The following SPIRE1 variants were observed in gnomAD, a reference collection of about 807,000 sequenced individuals.
SPIRE1 encodes the protein protein spire homolog 1.
SPIRE1 carries 40 observed loss-of-function variants against 94.1 expected under a neutral mutation model. The ratio of observed to expected loss-of-function variants is 0.43; its 90% CI spans 0.33 to 0.55. The LOEUF (loss-of-function observed/expected upper bound fraction) is 0.55, where lower values mean the gene tolerates loss of function less well. SPIRE1 is among the 20% of genes least tolerant of loss of function. SPIRE1 has a pLI of 0.06. For missense variants in SPIRE1, 838 were observed against 975.2 expected (o/e 0.86, Z 1.87); for synonymous variants, 376 against 371.7 (o/e 1.01, Z -0.13).
In SPIRE1 at chr18:12,559,862, A is replaced by G. The variant is rs2035633516; in HGVS notation, c.373-12958T>C. Among the ~76,000 whole-genome samples the G allele has an allele frequency of 6.6e-6, 1 of 152,246 alleles. No individual in the cohort carries two copies. ...AACTGTCCATCTGACAAGGGGTAAT[A>G]ACCACAATATATAAGGACCTCAAAC... is the stretch of plus-strand genomic sequence containing the variant. On this transcript the variant is annotated intron_variant, in intron 2 of 16. Transcript: ENST00000409402. This position sits in a 1 kb window ranked among gnomAD's most constrained non-coding sequence, Gnocchi z 4.7.
At chr18:12,656,642 T>G (rs751993892) in intron 1 of SPIRE1, 15 of 904,490 alleles carry the variant, frequency 1.7e-5, no homozygotes, top group Non-Finnish European at 2.0e-5. Flanking sequence ...ATGTTTTTAA[T>G]AGACTTGCCT....
intron 16 of SPIRE1, 104 bp downstream of exon 16, chr18:12,452,151 A>C: frequency 7.1e-7 from 1 of 1,411,244 alleles, no homozygotes; most frequent in Admixed American, 2.3e-5. Flanking sequence ...CCAACAAACC[A>C]ATAAAAACCC....
At chr18:12,610,994 G>T (rs34823385) in intron 2 of SPIRE1, among the ~76,000 whole-genome samples, 35,134 of 151,782 alleles carry the variant, frequency 0.23, 4,940 homozygotes, top group Non-Finnish European at 0.32. Flanking sequence ...CTTTACTTAT[G>T]CTCCACATCA....
chr18:12,598,162 TA>T (rs1315927466), intron 2 of SPIRE1, among the ~76,000 whole-genome samples: 4 of 152,356 alleles, frequency 2.6e-5, no homozygotes, highest in Admixed American at 6.5e-5. Context: ...TACGTCTTCC[TA>T]AACATACACA....
At chr18:12,628,872 G>A (rs1211494248) in intron 2 of SPIRE1, among the ~76,000 whole-genome samples, 4 of 152,028 alleles carry the variant, frequency 2.6e-5, no homozygotes, top group Admixed American at 1.3e-4. Context: ...ACAGGAATGA[G>A]TAAGCTGTAA....
At chr18:12,659,187 C>T (rs943631722), upstream of SPIRE1, among the ~76,000 whole-genome samples, 1 of 152,168 alleles carries the variant, frequency 6.6e-6, no homozygotes, top group Non-Finnish European at 1.5e-5. Context: ...ATATTAAGTT[C>T]CAGTAAACCT....
intron 1 of SPIRE1, among the ~76,000 whole-genome samples, chr18:12,649,131 G>A (rs774571840): frequency 6.6e-6 from 1 of 152,068 alleles, no homozygotes; most frequent in Non-Finnish European, 1.5e-5. Flanking sequence ...AAAAAGTTTG[G>A]TCAGGCACAG....
intron 9 of SPIRE1, 83 bp downstream of exon 9, chr18:12,485,873 ATGT>A (rs2033019220): frequency 9.9e-7 from 1 of 1,012,490 alleles, no homozygotes; most frequent in Non-Finnish European, 1.5e-6. Context: ...CTTTTTTAAC[ATGT>A]TTGAACAAGC....
intron 9 of SPIRE1, among the ~76,000 whole-genome samples, chr18:12,481,366 C>T (rs1174619628): frequency 1.3e-5 from 2 of 148,626 alleles, no homozygotes; most frequent in African/African-American, 5.0e-5. Flanking sequence ...AGAGGTAGAG[C>T]TCCAGGAAAC....
intron 3 of SPIRE1, among the ~76,000 whole-genome samples, chr18:12,545,687 T>C (rs2035141695): frequency 6.6e-6 from 1 of 152,160 alleles, no homozygotes; most frequent in Non-Finnish European, 1.5e-5. Context: ...CAACCAAACT[T>C]GCTTCATTAC....
At chr18:12,572,619 C>CA (rs1288562705) in intron 2 of SPIRE1, among the ~76,000 whole-genome samples, 2 of 151,620 alleles carry the variant, frequency 1.3e-5, no homozygotes, top group African/African-American at 2.4e-5. Context: ...GAAAACAAAA[C>CA]AAAAAAAATT....
intron 8 of SPIRE1, among the ~76,000 whole-genome samples, chr18:12,487,451 G>GTGCAGTGGC (rs1759991818): frequency 6.8e-6 from 1 of 147,342 alleles, no homozygotes; most frequent in Non-Finnish European, 1.5e-5. Context: ...CCAGGCTGGA[G>GTGCAGTGGC]TGCAGTGGCT....
intron 1 of SPIRE1, among the ~76,000 whole-genome samples, chr18:12,640,131 T>A (rs951305176): frequency 5.3e-5 from 8 of 152,296 alleles, no homozygotes; most frequent in Middle Eastern, 3.4e-3. Flanking sequence ...AGGTAGCTAC[T>A]TATCTTTAAA....
upstream of SPIRE1, among the ~76,000 whole-genome samples, chr18:12,660,617 G>C (rs188298067): frequency 5.5e-4 from 84 of 152,110 alleles, no homozygotes; most frequent in African/African-American, 1.8e-3. Flanking sequence ...CACTGTGCCC[G>C]GCCAAAAGAT....
chr18:12,515,291 G>A (rs79288918), intron 4 of SPIRE1, among the ~76,000 whole-genome samples: 2,015 of 152,088 alleles, frequency 0.013, 50 homozygotes, highest in African/African-American at 0.046. Context: ...GAGGCATGAG[G>A]ACTGCTTGAG....
intron 10 of SPIRE1, 131 bp downstream of exon 10, chr18:12,479,568 A>C: frequency 1.2e-6 from 1 of 824,668 alleles, no homozygotes; most frequent in Non-Finnish European, 1.8e-6. Flanking sequence ...AATTAATTTT[A>C]ATCCTAGCTT....
At chr18:12,595,331 G>A (rs950377878) in intron 2 of SPIRE1, among the ~76,000 whole-genome samples, 1 of 152,014 alleles carries the variant, frequency 6.6e-6, no homozygotes, top group Admixed American at 6.6e-5. Flanking sequence ...CAATAATACA[G>A]GATATAACAC....
At chr18:12,564,391 A>G (rs1247493026) in intron 2 of SPIRE1, among the ~76,000 whole-genome samples, 1 of 152,216 alleles carries the variant, frequency 6.6e-6, no homozygotes, top group Non-Finnish European at 1.5e-5. Context: ...CCATAAGGAG[A>G]AAGACAGTTA....
rs1229471069 is a variant in SPIRE1 at position 12,452,672 on chromosome 18, A to G, written c.1848-160T>C. Reference sequence around the variant, plus strand: ...CAAATTGACACACTGAATTGCCAAAAAGATAATCTACAGAACTTAACTCTT... The same window carrying G: ...CAAATTGACACACTGAATTGCCAAAGAGATAATCTACAGAACTTAACTCTT... On this transcript the variant is annotated intron_variant, in intron 14 of 16. Coordinates refer to ENST00000409402, the MANE Select transcript of SPIRE1 (RefSeq NM_001128626.2). The G allele has an allele frequency of 6.8e-6, 5 of 736,296 alleles. No homozygotes were observed. The African/African-American group carries it at 8.8e-5, about 13-fold the overall frequency. The allele number at this position is 736,296 out of a possible 1,614,324, so 45.6% of individuals were successfully genotyped here.
Sources: allele counts gnomAD v4.1 joint callset (sites outside exome capture counted in the v4.1 genomes callset), GRCh38; gene constraint gnomAD v4.1.1; non-coding constraint Gnocchi (gnomAD v3.1); transcripts MANE v1.5; gene names NCBI Gene and HGNC (gene_info 2026-07-23, HGNC 2026-07-21).